The following GAD1 variants were observed in gnomAD, a reference collection of about 807,000 sequenced individuals.
GAD1 encodes 67 kDa glutamic acid decarboxylase.
In GAD1, 35 loss-of-function variants were observed where a neutral mutation model predicts 75.2. That is an observed-to-expected ratio of 0.47 (90% CI 0.36 to 0.62). GAD1 has a LOEUF of 0.62. Ranked by LOEUF, GAD1 falls within the 20% of genes least tolerant of loss-of-function variation. The pLI is 0.00. For missense variants in GAD1, 490 were observed against 758.5 expected, an observed-to-expected ratio of 0.65 and a Z score of 4.16; for synonymous variants, 257 against 271.9, an observed-to-expected ratio of 0.95 and a Z score of 0.54.
chr2:170,835,741 A>G, intron 5 of GAD1, among the ~76,000 whole-genome samples: 1 of 152,214 alleles, frequency 6.6e-6, no homozygotes, highest in East Asian at 1.9e-4. Context: ...AAGTTTTTAA[A>G]TGGATATTGC....
intron 3 of GAD1, among the ~76,000 whole-genome samples, chr2:170,827,900 A>G (rs1273691425): frequency 6.6e-6 from 1 of 152,138 alleles, no homozygotes; most frequent in East Asian, 1.9e-4. Flanking sequence ...ATTCAAGGAG[A>G]GGGGGTGGTG....
chr2:170,829,175 T>G (rs1702153225), intron 3 of GAD1: 1 of 435,886 alleles, frequency 2.3e-6, no homozygotes, highest in African/African-American at 2.0e-5. Context: ...GTCACTGGAG[T>G]GGAAGCTGTC....
intron 4 of GAD1, among the ~76,000 whole-genome samples, 194 bp from the exon 5 acceptor site, chr2:170,830,756 C>T (rs951709203): frequency 2.0e-5 from 3 of 152,178 alleles, no homozygotes; most frequent in African/African-American, 7.2e-5. Flanking sequence ...CTGTGAACCC[C>T]CAGGAAGCAT....
At chr2:170,820,261 C>T (rs897416267) in intron 2 of GAD1, among the ~76,000 whole-genome samples, 3 of 152,110 alleles carry the variant, frequency 2.0e-5, no homozygotes, top group South Asian at 2.1e-4. Flanking sequence ...CAGTCGCCGG[C>T]GCAAATGCCA....
rs200564758 is a variant in GAD1, at chr2:170,831,632, GTGTA to G, written c.547+442_547+445del. ...TGTGTGTGTGTGTGTGTGTGTGTGT[GTGTA>G]TATACCTATTTTTATATATAAATAT... On this transcript the variant is annotated intron_variant, in intron 5 of 16. Transcript: ENST00000358196. Among the ~76,000 whole-genome samples, 68 of 137,486 alleles carry G rather than the reference GTGTA, an allele frequency of 4.9e-4. 1 individual carries two copies. The highest frequency in any genetic ancestry group is 1.2e-3 in the Admixed American group (16 of 13,594). The allele number at this position is 137,486 out of a possible 152,430, so 90.2% of individuals were successfully genotyped here.
At chr2:170,858,198 C>T (rs1044813759) in intron 15 of GAD1, among the ~76,000 whole-genome samples, 6 of 152,070 alleles carry the variant, frequency 3.9e-5, no homozygotes, top group Non-Finnish European at 5.9e-5. Context: ...CAGCAACCAG[C>T]GAGAAAACTT....
upstream of GAD1, among the ~76,000 whole-genome samples, chr2:170,815,831 G>C (rs1701685231): frequency 6.6e-6 from 1 of 152,262 alleles, no homozygotes; most frequent in African/African-American, 2.4e-5. Context: ...AGCAGCTCCA[G>C]GTGTGGGCTC....
At chr2:170,829,716 C>A in intron 4 of GAD1, 83 bp downstream of exon 4, 2 of 1,450,234 alleles carry the variant, frequency 1.4e-6, no homozygotes, top group Non-Finnish European at 1.9e-6. Context: ...AATTTTACTT[C>A]TTTTATCAAG....
upstream of GAD1, among the ~76,000 whole-genome samples, chr2:170,813,849 A>G (rs924357854): frequency 6.6e-6 from 1 of 152,210 alleles, no homozygotes; most frequent in African/African-American, 2.4e-5. Context: ...GACAGGGTGG[A>G]GTAGCCGGGG....
Position 170,854,044 on chromosome 2 carries a change from A to G in GAD1, c.1413+22A>G, listed in dbSNP as rs45619931. 3.0e-4 allele frequency: 486 copies of G among 1,614,070 alleles called. 3 individuals carry two copies. The African/African-American group carries it at 5.2e-3, about 17-fold the overall frequency. ...AAAGGTATGAAGGGAATAGTTCAGG[A>G]AATAGAGCAGAAATGTAATTTGCAC... On this transcript the variant is annotated intron_variant, in intron 14 of 16. Coordinates refer to ENST00000358196, the MANE Select transcript of GAD1 (RefSeq NM_000817.3).
At position 170,818,790 on chromosome 2, in the gene GAD1, G is replaced by T; in HGVS notation, c.82+117G>T. On this transcript the variant is annotated intron_variant, in intron 2 of 16. Transcript: ENST00000358196. The surrounding 1 kb of genome is among the most constrained non-coding windows in gnomAD (Gnocchi z 5.9). ...GGAGCGCGGAGATAATGGAGGCTGG[G>T]AAATAAATGGGGCTCTGACCCCGTC... 4 of 948,368 alleles carry T rather than the reference G, an allele frequency of 4.2e-6. No individual in the cohort carries two copies. Among genetic ancestry groups the T allele is most frequent in the Non-Finnish European group, 3.4e-6 (2 of 595,816 alleles). The allele number at this position is 948,368 out of a possible 1,614,324, so 58.7% of individuals were successfully genotyped here.
intron 3 of GAD1, among the ~76,000 whole-genome samples, chr2:170,828,265 C>T (rs1239500135): frequency 2.2e-5 from 3 of 134,902 alleles, no homozygotes; most frequent in Non-Finnish European, 4.7e-5. Flanking sequence ...CTGCTGTCCT[C>T]ACCCCTCCCC....
At position 170,847,666 on chromosome 2, in the gene GAD1, T is replaced by C. The variant is rs1292501670; in HGVS notation, c.1003-10T>C. The C allele has an allele frequency of 6.4e-6, 10 of 1,572,966 alleles. No homozygotes were observed. ...AATACTCATCAGCCTATATCTGTCTTACCTTGTAGGGATATGTTCCCTTTT... is the reference window on the plus strand; with the variant it reads ...AATACTCATCAGCCTATATCTGTCTCACCTTGTAGGGATATGTTCCCTTTT... On this transcript the variant is annotated splice_polypyrimidine_tract_variant and intron_variant, in intron 10 of 16. Transcript: ENST00000358196.
chr2:170,840,020 C>T lies in GAD1; in HGVS notation c.638+3137C>T, dbSNP rs1378987989. Reference sequence around the variant, plus strand: ...ATAGGAGCCTGCAGTAAGCAGTTCTCGTTTGTCATGGAAAAGCAGCTGTGA... The same window carrying T: ...ATAGGAGCCTGCAGTAAGCAGTTCTTGTTTGTCATGGAAAAGCAGCTGTGA... On this transcript the variant is annotated intron_variant, in intron 6 of 16. Coordinates refer to ENST00000358196, the MANE Select transcript of GAD1 (RefSeq NM_000817.3). Among the ~76,000 whole-genome samples, 5 of 152,164 alleles carry T rather than the reference C, an allele frequency of 3.3e-5. No homozygotes were observed. In the East Asian group the frequency reaches 7.7e-4, roughly 23 times the overall value.
chr2:170,822,373 A>G (rs1548902), intron 3 of GAD1, among the ~76,000 whole-genome samples: 3,535 of 152,142 alleles, frequency 0.023, 72 homozygotes, highest in African/African-American at 0.05. Context: ...GGAGTCCCCA[A>G]TCCCCAACAC....
rs1417206224 is a variant in GAD1, at chr2:170,853,897, A to C, written c.1288A>C (p.Met430Leu). 6.2e-7 allele frequency: 1 copy of C among 1,614,132 alleles called. No individual in the cohort carries two copies. Among genetic ancestry groups the C allele is most frequent in the Admixed American group, 1.7e-5 (1 of 60,018 alleles). ...GGGTATACTCCAAGGATGCAACCAG[A>C]TGTGTGCAGGATACCTCTTCCAGCC... The part of the protein sequence containing the change: ...EKGILQGCNQ[M>L]CAGYLFQPDK... The change falls in exon 14 of 17, where the codon ATG (methionine) becomes CTG (leucine). Residue 430 changes from methionine to leucine, a missense_variant. Transcript: ENST00000358196. This position sits in a 1 kb window ranked among gnomAD's most constrained non-coding sequence, Gnocchi z 4.1.
chr2:170,843,475 A>G (rs1207155389), intron 6 of GAD1, among the ~76,000 whole-genome samples: 1 of 152,244 alleles, frequency 6.6e-6, no homozygotes, highest in African/African-American at 2.4e-5. Flanking sequence ...AAAACCATGT[A>G]GATAATTATA....
chr2:170,840,252 C>T (rs1310678385), intron 6 of GAD1, among the ~76,000 whole-genome samples: 3 of 152,286 alleles, frequency 2.0e-5, no homozygotes, highest in African/African-American at 4.8e-5. Flanking sequence ...AGGCAACCAC[C>T]GCACAGTCAC....
In GAD1 at chr2:170,836,820, C is replaced by A; in HGVS notation, c.575C>A (p.Ser192Tyr). ...CATCCTCGATTTTTCAACCAGCTCTCCACTGGATTGGATATTATTGGCCTA... is the reference window on the plus strand; with the variant it reads ...CATCCTCGATTTTTCAACCAGCTCTACACTGGATTGGATATTATTGGCCTA... ...TGHPRFFNQLSTGLDIIGLAG... is the reference protein window; with the variant it reads ...TGHPRFFNQLYTGLDIIGLAG... Residue 192 changes from serine to tyrosine, a missense_variant, in exon 6 of 17, where the codon TCC becomes TAC. Physicochemically the swap from Ser to Tyr is moderately radical, Grantham distance 144. Around this residue, in one of 3 missense-constraint regions of GAD1, gnomAD observed 324 missense variants for 523.9 expected, o/e 0.62. Coordinates refer to ENST00000358196, the MANE Select transcript of GAD1 (RefSeq NM_000817.3). 1.2e-6 allele frequency: 2 copies of A among 1,613,972 alleles called. No individual in the cohort carries two copies. Among genetic ancestry groups the A allele is most frequent in the Non-Finnish European group, 1.7e-6 (2 of 1,179,840 alleles).
Sources: gnomAD v4.1 joint callset for allele counts (sites outside exome capture counted in the v4.1 genomes callset) on GRCh38, gnomAD v4.1.1 for gene constraint, gnomAD v4.1.1 regional missense constraint, Gnocchi (gnomAD v3.1) non-coding constraint, MANE v1.5 for transcripts, NCBI Gene and HGNC (gene_info 2026-07-23, HGNC 2026-07-21) for gene names.